ARHGAP10: variants seen among roughly 807,000 people sequenced by gnomAD.
ARHGAP10 encodes the protein rho GTPase-activating protein 10.
ARHGAP10 carries 87 observed loss-of-function variants against 108.6 expected under a neutral mutation model. That is an observed-to-expected ratio of 0.80 (90% CI 0.67 to 0.96). The LOEUF (loss-of-function observed/expected upper bound fraction) is 0.96. ARHGAP10 is among the 40% of genes least tolerant of loss of function. The pLI is 0.00. For missense variants in ARHGAP10, 939 were observed against 954.5 expected (o/e 0.98, Z 0.21); for synonymous variants, 347 against 341.1 (o/e 1.02, Z -0.19).
chr4:147,907,436 T>C (rs527516320), intron 11 of ARHGAP10, among the ~76,000 whole-genome samples: 67 of 152,282 alleles, frequency 4.4e-4, no homozygotes, highest in African/African-American at 1.5e-3. Context: ...TGACTCTAAA[T>C]AAACTGCCAT....
At chr4:147,736,614 T>A (rs541192106) in intron 1 of ARHGAP10, among the ~76,000 whole-genome samples, 1 of 152,346 alleles carries the variant, frequency 6.6e-6, no homozygotes, top group African/African-American at 2.4e-5. Flanking sequence ...TTTTCCCCTC[T>A]GACAATCCAG....
chr4:148,051,796 C>G (rs1436999255), intron 20 of ARHGAP10, among the ~76,000 whole-genome samples: 2 of 152,224 alleles, frequency 1.3e-5, no homozygotes, highest in Admixed American at 1.3e-4. Context: ...TTTAAAATCA[C>G]TAGATAACAC....
At chr4:148,001,485 A>C (rs1391519268) in intron 18 of ARHGAP10, among the ~76,000 whole-genome samples, 1 of 152,154 alleles carries the variant, frequency 6.6e-6, no homozygotes, top group East Asian at 1.9e-4. Context: ...ATGGCATTGA[A>C]TCTATAAATT....
At chr4:147,905,002 A>G (rs1246926646) in intron 10 of ARHGAP10, among the ~76,000 whole-genome samples, 1 of 151,942 alleles carries the variant, frequency 6.6e-6, no homozygotes, top group African/African-American at 2.4e-5. Flanking sequence ...GCATTTTTTC[A>G]TGTGTTTTTT....
chr4:148,020,845 TTC>T (rs1276319513), intron 18 of ARHGAP10, among the ~76,000 whole-genome samples: 2 of 152,170 alleles, frequency 1.3e-5, no homozygotes, highest in Non-Finnish European at 2.9e-5. Flanking sequence ...GTATTAATAT[TTC>T]TGTTTCTAAA....
At chr4:148,071,926 A>T in intron 22 of ARHGAP10, 67 bp from the exon 23 acceptor site, 2 of 1,400,548 alleles carry the variant, frequency 1.4e-6, no homozygotes, top group Non-Finnish European at 2.0e-6. Context: ...TTGAGCTTTT[A>T]AGTGAACACC....
At chr4:147,899,230 G>C (rs141076993) in intron 10 of ARHGAP10, among the ~76,000 whole-genome samples, 4 of 151,978 alleles carry the variant, frequency 2.6e-5, no homozygotes, top group African/African-American at 4.8e-5. Context: ...TTAAAATTTT[G>C]TTAAAATTCC....
chr4:147,961,221 G>A (rs1218368595), intron 16 of ARHGAP10, among the ~76,000 whole-genome samples: 2 of 152,180 alleles, frequency 1.3e-5, no homozygotes, highest in African/African-American at 4.8e-5. Flanking sequence ...CCAAAGCTTA[G>A]TATTCATTTA....
chr4:148,040,343 T>C (rs910150627), intron 19 of ARHGAP10, among the ~76,000 whole-genome samples: 6 of 152,080 alleles, frequency 3.9e-5, no homozygotes, highest in Non-Finnish European at 7.4e-5. Context: ...GTTTTTTTGT[T>C]TTTTGTTTTT....
At position 147,966,852 on chromosome 4, in the gene ARHGAP10, T is replaced by C; in HGVS notation, c.1716+13T>C. 1 of 1,556,280 alleles carries C rather than the reference T, an allele frequency of 6.4e-7. No individual in the cohort carries two copies. Among genetic ancestry groups the C allele is most frequent in the Non-Finnish European group, 8.8e-7 (1 of 1,142,590 alleles). On this transcript the variant is annotated intron_variant, in intron 18 of 22. Transcript: ENST00000336498. ...AAACCATGAAAAGGTAAAATTTTTT[T>C]TTTCTTTAAGAGACTTTGTTTTCGG... is the stretch of plus-strand genomic sequence containing the variant.
intron 22 of ARHGAP10, among the ~76,000 whole-genome samples, 162 bp downstream of exon 22, chr4:148,064,669 A>G (rs571431149): frequency 6.6e-6 from 1 of 152,258 alleles, no homozygotes; most frequent in East Asian, 1.9e-4. Flanking sequence ...CCAGACCCCA[A>G]TGCCAGGGGC....
intron 18 of ARHGAP10, among the ~76,000 whole-genome samples, chr4:147,982,365 C>CTTTTTTTT (rs70958599): frequency 3.3e-4 from 41 of 124,608 alleles, no homozygotes; most frequent in Middle Eastern, 4.0e-3. Flanking sequence ...TTCTTTCTTT[C>CTTTTTTTT]TTTTTTTTTT....
At chr4:147,912,645 CTTTTTT>C (rs70958594) in intron 12 of ARHGAP10, among the ~76,000 whole-genome samples, 2 of 35,302 alleles carry the variant, frequency 5.7e-5, no homozygotes, top group East Asian at 1.3e-3. Context: ...TAGCCTTAAG[CTTTTTT>C]TTTTTTTTTT....
intron 16 of ARHGAP10, among the ~76,000 whole-genome samples, chr4:147,962,732 A>G (rs1289334578): frequency 1.3e-5 from 2 of 152,068 alleles, no homozygotes; most frequent in African/African-American, 4.8e-5. Context: ...GCTGGAGTGC[A>G]GTGGTGCTGC....
intron 18 of ARHGAP10, among the ~76,000 whole-genome samples, chr4:148,010,266 A>G (rs1741121572): frequency 6.6e-6 from 1 of 152,150 alleles, no homozygotes; most frequent in African/African-American, 2.4e-5. Context: ...GGATCAGGAG[A>G]CTGAGCTATA....
intron 16 of ARHGAP10, among the ~76,000 whole-genome samples, chr4:147,955,837 A>T (rs1252230522): frequency 1.3e-5 from 2 of 152,170 alleles, no homozygotes; most frequent in Non-Finnish European, 2.9e-5. Flanking sequence ...CAGAAGGAAT[A>T]TTATGAGATA....
At chr4:148,037,225 C>G (rs1223230859) in intron 19 of ARHGAP10, among the ~76,000 whole-genome samples, 2 of 152,180 alleles carry the variant, frequency 1.3e-5, no homozygotes, top group African/African-American at 4.8e-5. Flanking sequence ...AAGTCATGCT[C>G]CTTTCCTCAG....
At chr4:147,970,754 T>C (rs768281007) in intron 18 of ARHGAP10, among the ~76,000 whole-genome samples, 110 of 152,198 alleles carry the variant, frequency 7.2e-4, no homozygotes, top group Non-Finnish European at 2.1e-4. Context: ...GTATACTTTA[T>C]AGGAAACTTA....
intron 1 of ARHGAP10, among the ~76,000 whole-genome samples, chr4:147,802,896 AAGTTTT>A (rs1329192531): frequency 6.6e-6 from 1 of 152,166 alleles, no homozygotes; most frequent in African/African-American, 2.4e-5. Flanking sequence ...GGTGCCCCCA[AAGTTTT>A]GGAGAACTCC....
Sources: allele counts gnomAD v4.1 joint callset (sites outside exome capture counted in the v4.1 genomes callset), GRCh38; gene constraint gnomAD v4.1.1; transcripts MANE v1.5; gene names NCBI Gene and HGNC (gene_info 2026-07-23, HGNC 2026-07-21).